The following LRRC4C variants were observed in gnomAD, a reference collection of about 807,000 sequenced individuals.
The protein encoded by LRRC4C is leucine rich repeat containing 4C, also known as leucine-rich repeat-containing protein 4C.
Under a neutral mutation model 33.6 loss-of-function variants are expected in LRRC4C, and 5 were observed. The observed-to-expected ratio is 0.15, with a 90% CI of 0.08 to 0.31. The LOEUF (loss-of-function observed/expected upper bound fraction) is 0.31. Among genes scored for constraint, LRRC4C ranks in the 10% least tolerant of loss-of-function variants. The pLI, the probability that LRRC4C is intolerant of heterozygous loss-of-function variation, is 1.00. For missense variants in LRRC4C, 560 were observed against 796.7 expected, an observed-to-expected ratio of 0.70 and a Z score of 3.58; for synonymous variants, 329 against 302.0, an observed-to-expected ratio of 1.09 and a Z score of -0.93.
intron 2 of LRRC4C, among the ~76,000 whole-genome samples, chr11:40,718,672 T>C (rs562709141): frequency 1.3e-5 from 2 of 152,290 alleles, no homozygotes; most frequent in African/African-American, 2.4e-5. Flanking sequence ...TTATTGAACT[T>C]ATAAAAGATA....
chr11:41,050,967 T>C (rs1487163593), intron 1 of LRRC4C, among the ~76,000 whole-genome samples: 3 of 152,196 alleles, frequency 2.0e-5, no homozygotes, highest in Non-Finnish European at 2.9e-5. Context: ...TTTCAGAGTG[T>C]GACTTTTTGA....
chr11:40,252,883 CT>C (rs1032488881), intron 4 of LRRC4C, among the ~76,000 whole-genome samples: 2 of 152,172 alleles, frequency 1.3e-5, no homozygotes, highest in African/African-American at 4.8e-5. Flanking sequence ...ATCATCAATA[CT>C]TTCTTTCTGA....
chr11:40,581,388 C>T (rs1958456961), intron 3 of LRRC4C, among the ~76,000 whole-genome samples: 1 of 152,212 alleles, frequency 6.6e-6, no homozygotes, highest in Admixed American at 6.5e-5. Context: ...CAATTGTCTT[C>T]AGACCTAGAG....
intron 2 of LRRC4C, among the ~76,000 whole-genome samples, chr11:40,861,516 A>G (rs1328524470): frequency 6.6e-6 from 1 of 152,210 alleles, no homozygotes; most frequent in African/African-American, 2.4e-5. Context: ...GAATAGAACC[A>G]AGAACAAAGA....
chr11:40,321,069 G>T (rs1016836314), intron 3 of LRRC4C, among the ~76,000 whole-genome samples: 1 of 152,094 alleles, frequency 6.6e-6, no homozygotes, highest in Non-Finnish European at 1.5e-5. Context: ...ATGACCAGTA[G>T]GTCAGTTGTC....
chr11:40,188,291 ATATT>A (rs1861567465), intron 5 of LRRC4C, among the ~76,000 whole-genome samples: 1 of 152,172 alleles, frequency 6.6e-6, no homozygotes, highest in Non-Finnish European at 1.5e-5. Flanking sequence ...TGTTTGCAAA[ATATT>A]TATTCTATTC....
chr11:40,821,373 G>C (rs2135466428), intron 2 of LRRC4C, among the ~76,000 whole-genome samples: 1 of 151,666 alleles, frequency 6.6e-6, no homozygotes, highest in East Asian at 1.9e-4. Flanking sequence ...GGAATATATA[G>C]ACTATCAGAT....
intron 2 of LRRC4C, among the ~76,000 whole-genome samples, chr11:40,766,353 T>TAAAAAAAAAAAAAAAAAAAAAAAA (rs60152534): frequency 8.8e-5 from 3 of 33,902 alleles, no homozygotes; most frequent in African/African-American, 3.2e-4. Flanking sequence ...TTCAGTCTGT[T>TAAAAAAAAAAAAAAAAAAAAAAAA]AAAAAAAAAA....
intron 3 of LRRC4C, among the ~76,000 whole-genome samples, chr11:40,373,173 T>C (rs1948525002): frequency 6.6e-6 from 1 of 152,198 alleles, no homozygotes; most frequent in Non-Finnish European, 1.5e-5. Flanking sequence ...AGCAATTTTA[T>C]GTAGAGAGAG....
intron 1 of LRRC4C, among the ~76,000 whole-genome samples, chr11:41,410,767 C>A (rs992657477): frequency 6.6e-6 from 1 of 151,920 alleles, no homozygotes; most frequent in African/African-American, 2.4e-5. Flanking sequence ...GGAACAACAC[C>A]CGTTAATCAA....
chr11:40,645,479 G>C (rs1417840423), intron 3 of LRRC4C, among the ~76,000 whole-genome samples: 1 of 152,196 alleles, frequency 6.6e-6, no homozygotes, highest in Non-Finnish European at 1.5e-5. Flanking sequence ...TACAGAGGGA[G>C]AATAGAAGCT....
Position 40,372,336 on chromosome 11 carries a change from T to C in LRRC4C, c.-269-52615A>G, listed in dbSNP as rs1948485915. 1.3e-5 allele frequency among the ~76,000 whole-genome samples: 2 copies of C among 152,044 alleles called. 1 individual carries two copies. Among genetic ancestry groups the C allele is most frequent in the South Asian group, 4.2e-4 (2 of 4,814 alleles). ...GGACACTTGGGGACCTTGTAATCAT[T>C]TGATGGGATTTCAAAAATCTCTGCC... On this transcript the variant is annotated intron_variant, in intron 3 of 6. Transcript: ENST00000528697.
intron 1 of LRRC4C, among the ~76,000 whole-genome samples, chr11:41,002,873 T>C (rs531419737): frequency 1.3e-5 from 2 of 152,292 alleles, no homozygotes; most frequent in South Asian, 2.1e-4. Context: ...TTATACCTTT[T>C]AAAATATGCA....
chr11:41,098,567 A>T lies in LRRC4C; in HGVS notation c.-495-164844T>A, dbSNP rs1940963762. Among the ~76,000 whole-genome samples the T allele has an allele frequency of 1.3e-5, 2 of 152,128 alleles. 1 individual carries two copies. The highest frequency in any genetic ancestry group is 4.1e-4 in the South Asian group (2 of 4,832). ...TCCAGAATAAAATATTTCAGCGCTAAGTGTTTACAGCAAGTAAGCTTCTGT... is the reference window on the plus strand; with the variant it reads ...TCCAGAATAAAATATTTCAGCGCTATGTGTTTACAGCAAGTAAGCTTCTGT... On this transcript the variant is annotated intron_variant, in intron 1 of 6. Transcript: ENST00000528697.
At chr11:41,375,880 T>C (rs1000938308) in intron 1 of LRRC4C, among the ~76,000 whole-genome samples, 1 of 152,038 alleles carries the variant, frequency 6.6e-6, no homozygotes, top group African/African-American at 2.4e-5. Flanking sequence ...TTAATATTCA[T>C]AAATTTTAGG....
Position 40,380,918 on chromosome 11 carries a change from C to T in LRRC4C, c.-269-61197G>A, listed in dbSNP as rs143590611. On this transcript the variant is annotated intron_variant, in intron 3 of 6. Coordinates refer to ENST00000528697, the MANE Select transcript of LRRC4C (RefSeq NM_001258419.2). ...GAAAAATGATCTTCTACCTATCTGA[C>T]ATATATTTAACAAACTTGTTGACAG... 2.0e-5 allele frequency among the ~76,000 whole-genome samples: 3 copies of T among 152,244 alleles called. No homozygotes were observed. The East Asian group carries it at 5.8e-4, about 29-fold the overall frequency.
chr11:40,381,771 C>A (rs1286435848), intron 3 of LRRC4C, among the ~76,000 whole-genome samples: 1 of 151,986 alleles, frequency 6.6e-6, no homozygotes, highest in Non-Finnish European at 1.5e-5. Context: ...AGTTGCTCTT[C>A]AGAAATTTGG....
intron 2 of LRRC4C, among the ~76,000 whole-genome samples, chr11:40,732,027 G>T (rs1231915981): frequency 3.3e-5 from 5 of 149,578 alleles, no homozygotes; most frequent in Non-Finnish European, 7.4e-5. Context: ...CTCCTTGCCT[G>T]GGAAGTAAAG....
At chr11:40,733,322 T>G (rs1278218378) in intron 2 of LRRC4C, among the ~76,000 whole-genome samples, 1 of 151,900 alleles carries the variant, frequency 6.6e-6, no homozygotes, top group Non-Finnish European at 1.5e-5. Flanking sequence ...TGATCCGCCC[T>G]CCTCGGCCTC....
Sources: allele counts gnomAD v4.1 joint callset (sites outside exome capture counted in the v4.1 genomes callset), GRCh38; gene constraint gnomAD v4.1.1; transcripts MANE v1.5; gene names NCBI Gene and HGNC (gene_info 2026-07-23, HGNC 2026-07-21).